The following NOL4L variants were observed in gnomAD, a reference collection of about 807,000 sequenced individuals.
NOL4L encodes the protein nucleolar protein 4-like.
A neutral mutation model predicts 64.5 loss-of-function variants in NOL4L; 7 were observed. The observed-to-expected ratio is 0.11, with a 90% CI of 0.06 to 0.20. NOL4L has a LOEUF of 0.20. Ranked by LOEUF, NOL4L falls within the 10% of genes least tolerant of loss-of-function variation. The pLI is 1.00. For missense variants in NOL4L, 680 were observed against 967.1 expected (o/e 0.70, Z 3.94); for synonymous variants, 413 against 401.0 (o/e 1.03, Z -0.36).
chr20:32,447,429 A>AAG lies in NOL4L; in HGVS notation c.*166_*167insCT, dbSNP rs374212206. 7.9e-6 allele frequency: 6 copies of AAG among 758,128 alleles called. No individual in the cohort carries two copies. The East Asian group carries it at 1.8e-4, about 23-fold the overall frequency. 47.0% of individuals were successfully genotyped at this position (758,128 alleles called of 1,614,324 possible). A position where few individuals can be genotyped will look rare whatever the true frequency, so the allele number is the denominator to read the frequency against. On this transcript the variant is annotated 3_prime_UTR_variant, in exon 11 of 11. Transcript: ENST00000621426. ...AAAAAAAAAAAAAAAAAAAAAAAAAAGTGTCCTTGTGCCCAAAGTCTCAGG... is the reference window on the plus strand; with the variant it reads ...AAAAAAAAAAAAAAAAAAAAAAAAAAAGGTGTCCTTGTGCCCAAAGTCTCAGG...
rs557562938 is a variant in NOL4L at position 32,493,810 on chromosome 20, A to ATGGTGC, written c.699+17531_699+17536dup. Among the ~76,000 whole-genome samples the ATGGTGC allele has an allele frequency of 5.8e-3, 887 of 152,274 alleles. 9 individuals are homozygous for ATGGTGC. Among genetic ancestry groups the ATGGTGC allele is most frequent in the African/African-American group, 0.02 (844 of 41,558 alleles). On this transcript the variant is annotated intron_variant, in intron 4 of 10. Transcript: ENST00000621426. ...ACCTGGGTCTGTCCATGTGGAGCCGATGGTGCTGGTGCTGCTGCGGCCTCA... is the reference window on the plus strand; with the variant it reads ...ACCTGGGTCTGTCCATGTGGAGCCGATGGTGCTGGTGCTGGTGCTGCTGCGGCCTCA...
intron 1 of NOL4L, chr20:32,535,508 G>T: frequency 1.2e-6 from 1 of 857,670 alleles, no homozygotes; most frequent in Middle Eastern, 6.0e-4. Context: ...CGCCACCACC[G>T]AGTCGCACCT....
chr20:32,507,630 G>T (rs2017187332), intron 4 of NOL4L, among the ~76,000 whole-genome samples: 1 of 152,110 alleles, frequency 6.6e-6, no homozygotes, highest in African/African-American at 2.4e-5. Flanking sequence ...TTGTCTCTTG[G>T]ATACGTGATG....
intron 4 of NOL4L, among the ~76,000 whole-genome samples, chr20:32,487,250 A>G (rs2016127852): frequency 6.6e-6 from 1 of 152,176 alleles, no homozygotes; most frequent in African/African-American, 2.4e-5. Context: ...CCTGGGCGAC[A>G]GGAGCGAAAC....
chr20:32,511,340 G>T lies in NOL4L; in HGVS notation c.699+7C>A. 1 of 1,542,118 alleles carries T rather than the reference G, an allele frequency of 6.5e-7. No homozygotes were observed. The highest frequency in any genetic ancestry group is 8.8e-7 in the Non-Finnish European group (1 of 1,139,852). The stretch of plus-strand genomic sequence containing the variant: ...CCAGGTGGGGTGAGGGGAGACGGCC[G>T]CCTTACCTGCTCCTGGGAATTCATC... On this transcript the variant is annotated splice_region_variant and intron_variant, in intron 4 of 10. Coordinates refer to ENST00000621426, the MANE Select transcript of NOL4L (RefSeq NM_001256798.2).
intron 5 of NOL4L, among the ~76,000 whole-genome samples, chr20:32,466,011 A>C (rs2014519879): frequency 7.4e-6 from 1 of 135,274 alleles, no homozygotes. Context: ...AGATGGAGTC[A>C]CTCTGTAGCC....
chr20:32,549,792 T>C (rs2018775616), intron 1 of NOL4L, among the ~76,000 whole-genome samples: 1 of 152,040 alleles, frequency 6.6e-6, no homozygotes, highest in South Asian at 2.1e-4. Context: ...TTGGCAAAAA[T>C]GTAGAGAAAT....
At chr20:32,568,576 A>G (rs1358712478) in intron 1 of NOL4L, among the ~76,000 whole-genome samples, 1 of 152,122 alleles carries the variant, frequency 6.6e-6, no homozygotes, top group Admixed American at 6.5e-5. Context: ...ATGGCTCCCA[A>G]TCCCTGAGAT....
At chr20:32,564,820 G>A (rs765519591) in intron 1 of NOL4L, among the ~76,000 whole-genome samples, 6 of 152,240 alleles carry the variant, frequency 3.9e-5, no homozygotes, top group Non-Finnish European at 8.8e-5. Context: ...AAGCAGGTGC[G>A]GCTAGAGCCT....
Position 32,554,046 on chromosome 20 carries a change from C to T in NOL4L, c.322-26133G>A, listed in dbSNP as rs772877185. The stretch of plus-strand genomic sequence containing the variant: ...TAAGAATGTATTGGATGTGGCCAGG[C>T]GCGGTGGCTCACACCTGTAATCCCA... On this transcript the variant is annotated intron_variant, in intron 1 of 10. Coordinates refer to ENST00000621426, the MANE Select transcript of NOL4L (RefSeq NM_001256798.2). Among the ~76,000 whole-genome samples, 10 of 152,190 alleles carry T rather than the reference C, an allele frequency of 6.6e-5. No homozygotes were observed. In the East Asian group the frequency reaches 9.6e-4, roughly 15 times the overall value.
At chr20:32,481,580 T>C (rs1384835678) in intron 4 of NOL4L, among the ~76,000 whole-genome samples, 1 of 152,230 alleles carries the variant, frequency 6.6e-6, no homozygotes, top group Non-Finnish European at 1.5e-5. Context: ...CAGTGAGCTC[T>C]GTTCCCACTG....
At position 32,573,737 on chromosome 20, in the gene NOL4L, G is replaced by A. The variant is rs6119903; in HGVS notation, c.321+10833C>T. ...CCTGGCTCCAGACCCCCACTGCTCT[G>A]CTGACCTGCAGGGGCCTCGAATCAA... is the stretch of plus-strand genomic sequence containing the variant. On this transcript the variant is annotated intron_variant, in intron 1 of 10. Transcript: ENST00000621426. The A allele has an allele frequency of 4.8e-3, 789 of 163,410 alleles. 5 individuals are homozygous for A. The highest frequency in any genetic ancestry group is 0.017 in the African/African-American group (724 of 41,988). 10.1% of individuals were successfully genotyped at this position (163,410 alleles called of 1,614,324 possible). A position where few individuals can be genotyped will look rare whatever the true frequency, so the allele number is the denominator to read the frequency against.
rs2145414595 is a variant in NOL4L at position 32,446,232 on chromosome 20, A to AATCAATC, written c.*1357_*1363dup. 1 of 152,284 alleles carries AATCAATC rather than the reference A, an allele frequency of 6.6e-6. No individual in the cohort carries two copies. Among genetic ancestry groups the AATCAATC allele is most frequent in the East Asian group, 1.9e-4 (1 of 5,160 alleles). 9.4% of individuals were successfully genotyped at this position (152,284 alleles called of 1,614,324 possible). A position where few individuals can be genotyped will look rare whatever the true frequency, so the allele number is the denominator to read the frequency against. On this transcript the variant is annotated 3_prime_UTR_variant, in exon 11 of 11. Coordinates refer to ENST00000621426, the MANE Select transcript of NOL4L (RefSeq NM_001256798.2). ...CACTGAGCAAGAGGAAGTGCCTATCAATCAATCAATCAGGGAGGAAGGAAA... is the reference window on the plus strand; with the variant it reads ...CACTGAGCAAGAGGAAGTGCCTATCAATCAATCATCAATCAATCAGGGAGGAAGGAAA...
At chr20:32,489,030 AT>A (rs1287055278) in intron 4 of NOL4L, among the ~76,000 whole-genome samples, 1 of 42,978 alleles carries the variant, frequency 2.3e-5, no homozygotes, top group Non-Finnish European at 4.7e-5. Context: ...TTTGTCATGT[AT>A]TTTGCAAATA....
At chr20:32,506,382 C>T (rs1177108559) in intron 4 of NOL4L, among the ~76,000 whole-genome samples, 1 of 152,036 alleles carries the variant, frequency 6.6e-6, no homozygotes, top group Non-Finnish European at 1.5e-5. Context: ...ATAAGCCAGG[C>T]CCGGCACGGT....
chr20:32,488,747 T>TCCTTCCTTCC (rs2016211280), intron 4 of NOL4L, among the ~76,000 whole-genome samples: 1 of 106,806 alleles, frequency 9.4e-6, no homozygotes, highest in Admixed American at 9.9e-5. Context: ...CTTTCTTTCT[T>TCCTTCCTTCC]TTCCTTCCTT....
chr20:32,493,842 C>G (rs1186053016), intron 4 of NOL4L, among the ~76,000 whole-genome samples: 1 of 152,202 alleles, frequency 6.6e-6, no homozygotes, highest in Admixed American at 6.5e-5. Context: ...CTCAGCTTGT[C>G]CCTACCCTGA....
chr20:32,475,263 C>G (rs778862938), intron 4 of NOL4L: 1 of 985,338 alleles, frequency 1.0e-6, no homozygotes, highest in Non-Finnish European at 1.2e-6. Flanking sequence ...GCCCAGAGGA[C>G]GTTTCTGTCT....
In NOL4L at chr20:32,534,690, A is replaced by AC. The variant is rs1171379597; in HGVS notation, c.322-6778dup. ...CAATACGGTGACCCCCACTCCCCCCACCCCCCGCCGCCAGGAGGTCTCTAC... is the reference window on the plus strand; with the variant it reads ...CAATACGGTGACCCCCACTCCCCCCACCCCCCCGCCGCCAGGAGGTCTCTAC... On this transcript the variant is annotated intron_variant, in intron 1 of 10. Coordinates refer to ENST00000621426, the MANE Select transcript of NOL4L (RefSeq NM_001256798.2). Among the ~76,000 whole-genome samples, 4 of 141,362 alleles carry AC rather than the reference A, an allele frequency of 2.8e-5. No individual in the cohort carries two copies. In the East Asian group the frequency reaches 8.8e-4, roughly 31 times the overall value. The allele number at this position is 141,362 out of a possible 152,430, so 92.7% of individuals were successfully genotyped here. A position where few individuals can be genotyped will look rare whatever the true frequency, so the allele number is the denominator to read the frequency against.
Sources: gnomAD v4.1 joint callset for allele counts (sites outside exome capture counted in the v4.1 genomes callset) on GRCh38, gnomAD v4.1.1 for gene constraint, MANE v1.5 for transcripts, NCBI Gene and HGNC (gene_info 2026-07-23, HGNC 2026-07-21) for gene names.